CDH20: variants seen among roughly 807,000 people sequenced by gnomAD.
CDH20 encodes the protein cadherin-20.
CDH20 carries 29 observed loss-of-function variants against 74.2 expected under a neutral mutation model. That is an observed-to-expected ratio of 0.39 (90% CI 0.29 to 0.53). The LOEUF (loss-of-function observed/expected upper bound fraction) is 0.53, where lower values mean the gene tolerates loss of function less well. CDH20 is among the 20% of genes least tolerant of loss of function. The pLI, the probability that CDH20 is intolerant of heterozygous loss-of-function variation, is 0.69. For missense variants in CDH20, 988 were observed against 1,048.3 expected (o/e 0.94, Z 0.79); for synonymous variants, 469 against 405.4 (o/e 1.16, Z -1.88).
chr18:61,459,041 T>C (rs559292610), intron 1 of CDH20, among the ~76,000 whole-genome samples: 1 of 152,234 alleles, frequency 6.6e-6, no homozygotes, highest in Non-Finnish European at 1.5e-5. Flanking sequence ...CGTACAGTAA[T>C]AGCTCCTAAG....
At chr18:61,536,356 G>A (rs1484787836) in intron 7 of CDH20, 137 bp from the exon 8 acceptor site, 28 of 625,580 alleles carry the variant, frequency 4.5e-5, no homozygotes, top group South Asian at 2.4e-4. Context: ...ATAAAACCAC[G>A]AATGCAGTCT....
chr18:61,395,689 A>T (rs139188740), intron 1 of CDH20, among the ~76,000 whole-genome samples: 149 of 152,296 alleles, frequency 9.8e-4, no homozygotes, highest in African/African-American at 3.4e-3. Flanking sequence ...TTTGAAATAA[A>T]TTTTTCTACT....
intron 1 of CDH20, among the ~76,000 whole-genome samples, chr18:61,352,072 C>G (rs550807640): frequency 6.6e-6 from 1 of 152,284 alleles, no homozygotes; most frequent in Non-Finnish European, 1.5e-5. Flanking sequence ...AACAGCTTCT[C>G]GATGCCTCTA....
intron 1 of CDH20, among the ~76,000 whole-genome samples, chr18:61,377,935 G>T (rs1236200923): frequency 1.3e-5 from 2 of 151,816 alleles, no homozygotes; most frequent in African/African-American, 4.8e-5. Context: ...TGAAATGTCA[G>T]GACTTTAAGG....
chr18:61,545,134 G>T lies in CDH20; in HGVS notation c.1638G>T (p.Arg546Ser), dbSNP rs998003970. The change falls in exon 10 of 12, where the codon AGG (arginine) becomes AGT (serine). Residue 546 changes from arginine to serine, a missense_variant. By Grantham distance (110) the Arg-to-Ser change is moderately radical. Around this residue, in one of 2 missense-constraint regions of CDH20, gnomAD observed 613 missense variants for 755.2 expected, o/e 0.81. Transcript: ENST00000262717. Reference sequence around the variant, plus strand: ...CTAACAACCCCAACTTTACCATAAGGGACAACCAAGGTAATCAGGTGGATG... The same window carrying T: ...CTAACAACCCCAACTTTACCATAAGTGACAACCAAGGTAATCAGGTGGATG... ...EAANNPNFTI[R>S]DNQDNTARIL... is the part of the protein sequence containing the mutation. 1 of 1,604,108 alleles carries T rather than the reference G, an allele frequency of 6.2e-7. No homozygotes were observed. The highest frequency in any genetic ancestry group is 1.7e-5 in the Admixed American group (1 of 59,956).
chr18:61,435,919 G>A (rs1023449149), intron 1 of CDH20, among the ~76,000 whole-genome samples: 5 of 151,754 alleles, frequency 3.3e-5, no homozygotes, highest in African/African-American at 1.2e-4. Flanking sequence ...ATTGACCATC[G>A]CTCCCCCATT....
rs1350779150 is a variant in CDH20 at position 61,490,422 on chromosome 18, T to G, written c.-132T>G. On this transcript the variant is annotated 5_prime_UTR_variant, in exon 2 of 12. In the 5' UTR this introduces an upstream ATG that the reference lacks. Transcript: ENST00000262717. ...GACAGGAAGTCAACTTCAAGCAGAT[T>G]GACTTGAAACGGGATCTCATTTAGG... 1.2e-6 allele frequency: 1 copy of G among 855,500 alleles called. No individual in the cohort carries two copies. Among genetic ancestry groups the G allele is most frequent in the African/African-American group, 1.7e-5 (1 of 59,206 alleles). The allele number at this position is 855,500 out of a possible 1,614,324, so 53.0% of individuals were successfully genotyped here.
intron 1 of CDH20, among the ~76,000 whole-genome samples, chr18:61,367,245 G>A (rs1910892173): frequency 2.0e-5 from 3 of 152,058 alleles, no homozygotes; most frequent in African/African-American, 4.8e-5. Context: ...TAGCTGACAC[G>A]GGAAAATGAG....
intron 9 of CDH20, among the ~76,000 whole-genome samples, chr18:61,542,479 T>C (rs1469309397): frequency 2.0e-5 from 3 of 152,228 alleles, no homozygotes; most frequent in Non-Finnish European, 2.9e-5. Context: ...CCAGCTGCCA[T>C]GCAGACTAAC....
intron 1 of CDH20, among the ~76,000 whole-genome samples, chr18:61,441,952 A>T (rs1909046791): frequency 6.6e-6 from 1 of 152,118 alleles, no homozygotes; most frequent in Non-Finnish European, 1.5e-5. Flanking sequence ...TTGGCTTTAG[A>T]TTGAGGAAAA....
At chr18:61,407,549 A>ACT (rs1912370686) in intron 1 of CDH20, among the ~76,000 whole-genome samples, 1 of 152,236 alleles carries the variant, frequency 6.6e-6, no homozygotes, top group Non-Finnish European at 1.5e-5. Context: ...GGATCTTAGA[A>ACT]GAGTTTGCCA....
At chr18:61,346,061 G>C (rs1001436552) in intron 1 of CDH20, among the ~76,000 whole-genome samples, 6 of 152,142 alleles carry the variant, frequency 3.9e-5, no homozygotes, top group Admixed American at 3.9e-4. Context: ...CTACCCTTAT[G>C]TCTAATTCTG....
At position 61,538,623 on chromosome 18, in the gene CDH20, TTG is replaced by T. The variant is rs1462901843; in HGVS notation, c.1409-399_1409-398del. 3.8e-3 allele frequency among the ~76,000 whole-genome samples: 337 copies of T among 87,786 alleles called. 40 individuals carry two copies. Among genetic ancestry groups the T allele is most frequent in the Middle Eastern group, 0.011 (2 of 188 alleles). 57.6% of individuals were successfully genotyped at this position (87,786 alleles called of 152,430 possible). A position where few individuals can be genotyped will look rare whatever the true frequency, so the allele number is the denominator to read the frequency against. On this transcript the variant is annotated intron_variant, in intron 8 of 11. Transcript: ENST00000262717. ...TTTTGTTTTTGTTTTTGTTTTTGTT[TTG>T]TTTTTTTTTTTGAGACGGAGTCTTA...
At chr18:61,344,132 T>G (rs1200829533) in intron 1 of CDH20, among the ~76,000 whole-genome samples, 2 of 152,186 alleles carry the variant, frequency 1.3e-5, no homozygotes, top group Non-Finnish European at 2.9e-5. Flanking sequence ...GATGTACTAT[T>G]TTCTCTAACC....
chr18:61,466,634 G>C (rs1219453991), intron 1 of CDH20, among the ~76,000 whole-genome samples: 1 of 152,204 alleles, frequency 6.6e-6, no homozygotes, highest in Admixed American at 6.5e-5. Context: ...CTTGAGGCCA[G>C]CTTCCCATGA....
chr18:61,433,074 T>C (rs181484597), intron 1 of CDH20, among the ~76,000 whole-genome samples: 149 of 152,320 alleles, frequency 9.8e-4, no homozygotes, highest in African/African-American at 3.4e-3. Flanking sequence ...AACTTGGCTA[T>C]GTGACCTTGA....
At chr18:61,504,950 C>T (rs561756569) in intron 5 of CDH20, among the ~76,000 whole-genome samples, 2 of 151,852 alleles carry the variant, frequency 1.3e-5, no homozygotes, top group African/African-American at 4.8e-5. Context: ...GTTGCTTGGT[C>T]CAACAGTGCA....
At chr18:61,509,586 C>T (rs1411194437) in intron 6 of CDH20, among the ~76,000 whole-genome samples, 2 of 152,160 alleles carry the variant, frequency 1.3e-5, no homozygotes, top group Non-Finnish European at 2.9e-5. Flanking sequence ...CATTTAGGAC[C>T]ATATAAGCTA....
chr18:61,338,084 A>G (rs1192264375), intron 1 of CDH20, among the ~76,000 whole-genome samples: 3 of 152,226 alleles, frequency 2.0e-5, no homozygotes, highest in Non-Finnish European at 2.9e-5. Context: ...TATCTTTACT[A>G]ACCTTTAGTT....
Sources: allele counts gnomAD v4.1 joint callset (sites outside exome capture counted in the v4.1 genomes callset), GRCh38; gene constraint gnomAD v4.1.1; regional missense constraint gnomAD v4.1.1; transcripts MANE v1.5; gene names NCBI Gene and HGNC (gene_info 2026-07-23, HGNC 2026-07-21).